Variants in TRMT2B observed in about 807,000 individuals in gnomAD.
TRMT2B encodes tRNA methyltransferase 2B.
TRMT2B carries 34 observed loss-of-function variants against 39.7 expected under a neutral mutation model. The observed-to-expected ratio is 0.86, with a 90% CI of 0.65 to 1.14. The LOEUF is 1.14. Ranked by LOEUF, TRMT2B falls within the 50% of genes most tolerant of loss-of-function variation. The pLI, the probability that TRMT2B is intolerant of heterozygous loss-of-function variation, is 0.00. For synonymous variants in TRMT2B, 132 were observed against 137.3 expected (o/e 0.96, Z 0.27); for missense variants, 318 against 377.2 (o/e 0.84, Z 1.30).
At chrX:100,991,393 T>G in the TRMT2B span, among the ~76,000 whole-genome samples, 2 of 111,283 alleles carry the variant, frequency 1.8e-5, no homozygotes, top group African/African-American at 6.5e-5. Flanking sequence ...TGTTTTGTTT[T>G]GTTTTGAGAC....
chrX:101,019,715 C>A (rs949834680), intron 11 of TRMT2B, among the ~76,000 whole-genome samples: 2 of 108,312 alleles, frequency 1.8e-5, no homozygotes, highest in African/African-American at 6.7e-5. Flanking sequence ...CACACTGCAA[C>A]CTCCACCTCC....
the TRMT2B span, among the ~76,000 whole-genome samples, chrX:100,992,310 C>T: frequency 2.7e-5 from 3 of 111,672 alleles, no homozygotes; most frequent in Non-Finnish European, 5.6e-5. Context: ...AAATGCTGGC[C>T]GGGTGCAGTG....
intron 2 of TRMT2B, among the ~76,000 whole-genome samples, chrX:101,050,651 G>C (rs1305280862): frequency 1.8e-5 from 2 of 110,989 alleles, no homozygotes; most frequent in Non-Finnish European, 3.8e-5. Context: ...TTGAACCTGG[G>C]AGGCAGAGGT....
chrX:100,999,430 CT>C, the TRMT2B span, among the ~76,000 whole-genome samples: 2 of 112,444 alleles, frequency 1.8e-5, no homozygotes, highest in African/African-American at 6.5e-5. Context: ...AATGATGCCC[CT>C]GTAAGCTATA....
chrX:101,031,632 C>T (rs920362866), intron 7 of TRMT2B, among the ~76,000 whole-genome samples: 10 of 107,354 alleles, frequency 9.3e-5, no homozygotes, highest in African/African-American at 3.1e-4. Flanking sequence ...TGCTTGAACT[C>T]GGGAGGCGGA....
the TRMT2B span, among the ~76,000 whole-genome samples, chrX:100,998,659 C>A: frequency 9.0e-6 from 1 of 110,925 alleles, no homozygotes; most frequent in Non-Finnish European, 1.9e-5. Context: ...TTGGTCACAG[C>A]AATCTCCATG....
chrX:101,036,464 A>AAAAGC (rs1164567723), intron 6 of TRMT2B, among the ~76,000 whole-genome samples: 2 of 108,382 alleles, frequency 1.8e-5, no homozygotes, highest in African/African-American at 6.7e-5. Flanking sequence ...AAAAAAAAAA[A>AAAAGC]AGCTCAGGAA....
the TRMT2B span, among the ~76,000 whole-genome samples, chrX:100,979,418 T>G: frequency 8.9e-6 from 1 of 112,076 alleles, no homozygotes; most frequent in Non-Finnish European, 1.9e-5. Context: ...AGGATAAAAG[T>G]TTTTTTCCTT....
intron 13 of TRMT2B, among the ~76,000 whole-genome samples, chrX:101,014,170 C>T (rs1023021474): frequency 8.9e-6 from 1 of 112,041 alleles, no homozygotes; most frequent in African/African-American, 3.2e-5. Flanking sequence ...TATGTACACA[C>T]GTACGTGTGC....
At chrX:101,000,618 T>C in the TRMT2B span, among the ~76,000 whole-genome samples, 1 of 109,724 alleles carries the variant, frequency 9.1e-6, no homozygotes. Context: ...TGGGTAAGTC[T>C]AGAAGAGTAG....
chrX:100,973,496 C>T, the TRMT2B span, among the ~76,000 whole-genome samples: 148 of 110,687 alleles, frequency 1.3e-3, no homozygotes, highest in Non-Finnish European at 2.4e-3. Flanking sequence ...TCCCGGCGGT[C>T]GGGCGGCGGC....
chrX:100,990,505 C>A, the TRMT2B span: 2 of 1,069,279 alleles, frequency 1.9e-6, no homozygotes, highest in Non-Finnish European at 2.4e-6. Flanking sequence ...ACAACTCCAC[C>A]TACTCTAATA....
At chrX:101,030,662 A>T (rs1289302444) in intron 7 of TRMT2B, among the ~76,000 whole-genome samples, 3 of 108,781 alleles carry the variant, frequency 2.8e-5, no homozygotes, top group African/African-American at 1.0e-4. Flanking sequence ...TGGTCAGGCT[A>T]GTCTCAAACT....
At chrX:100,998,881 G>A in the TRMT2B span, among the ~76,000 whole-genome samples, 1 of 111,594 alleles carries the variant, frequency 9.0e-6, no homozygotes, top group African/African-American at 3.3e-5. Flanking sequence ...TGTGCTAGGT[G>A]TTACATATAC....
chrX:101,028,655 C>T (rs964020194), intron 7 of TRMT2B, among the ~76,000 whole-genome samples: 1 of 111,779 alleles, frequency 8.9e-6, no homozygotes, highest in African/African-American at 3.3e-5. Context: ...CATGACATTC[C>T]TCCCTCACCC....
the TRMT2B span, among the ~76,000 whole-genome samples, chrX:100,995,345 C>T: frequency 1.8e-5 from 2 of 112,137 alleles, no homozygotes; most frequent in Non-Finnish European, 3.8e-5. Flanking sequence ...TGTTCTCCCA[C>T]TCCCCTTGCC....
chrX:101,014,005 T>G (rs1051242988), intron 13 of TRMT2B, among the ~76,000 whole-genome samples: 1 of 111,027 alleles, frequency 9.0e-6, no homozygotes, highest in Non-Finnish European at 1.9e-5. Context: ...AAGGATTGCT[T>G]GAGCCCAGGA....
At chrX:101,003,343 G>A in the TRMT2B span, among the ~76,000 whole-genome samples, 48,053 of 89,568 alleles carry the variant, frequency 0.54, 9,001 homozygotes, top group African/African-American at 0.72. Context: ...AGTGACATCC[G>A]ATAGCTTTTT....
At chrX:100,981,124 T>G in the TRMT2B span, among the ~76,000 whole-genome samples, 4 of 111,541 alleles carry the variant, frequency 3.6e-5, no homozygotes, top group Non-Finnish European at 7.5e-5. Context: ...TCCAAGCCCA[T>G]CACAGCACCA....
Sources: gnomAD v4.1 joint callset for allele counts (sites outside exome capture counted in the v4.1 genomes callset) on GRCh38, gnomAD v4.1.1 for gene constraint, MANE v1.5 for transcripts, NCBI Gene and HGNC (gene_info 2026-07-23, HGNC 2026-07-21) for gene names.